FGF1: variants seen among roughly 807,000 people sequenced by gnomAD.
FGF1 encodes fibroblast growth factor 1.
Under a neutral mutation model 13.4 loss-of-function variants are expected in FGF1, and 9 were observed. The ratio of observed to expected loss-of-function variants is 0.67; its 90% CI spans 0.40 to 1.17. The LOEUF is 1.17. Ranked by LOEUF, FGF1 falls within the 50% of genes most tolerant of loss-of-function variation. The pLI, the probability that FGF1 is intolerant of heterozygous loss-of-function variation, is 0.01. For missense variants in FGF1, 156 were observed against 192.7 expected, an observed-to-expected ratio of 0.81 and a Z score of 1.13; for synonymous variants, 93 against 79.0, an observed-to-expected ratio of 1.18 and a Z score of -0.94.
chr5:142,618,924 GTTTTGTT>G (rs1256398717), intron 1 of FGF1, among the ~76,000 whole-genome samples: 12 of 78,324 alleles, frequency 1.5e-4, no homozygotes, highest in African/African-American at 5.6e-4. Context: ...TTTTTTAGTT[GTTTTGTT>G]TTTTTTTTTT....
chr5:142,625,535 C>T (rs1762317198), intron 1 of FGF1, among the ~76,000 whole-genome samples: 1 of 152,188 alleles, frequency 6.6e-6, no homozygotes, highest in Non-Finnish European at 1.5e-5. Flanking sequence ...CTCCCTGGTG[C>T]AATGGTGTGC....
Position 142,643,019 on chromosome 5 carries a change from T to C in FGF1, c.-34-28858A>G, listed in dbSNP as rs190755299. Among the ~76,000 whole-genome samples, 6 of 152,292 alleles carry C rather than the reference T, an allele frequency of 3.9e-5. 1 individual carries two copies. Among genetic ancestry groups the C allele is most frequent in the African/African-American group, 1.4e-4 (6 of 41,554 alleles). On this transcript the variant is annotated intron_variant, in intron 1 of 3. Transcript: ENST00000337706. ...AGGCAATGCTTACCAGCTAGAAATATTAACAAATAAGGAAAAACCAAGTTT... is the reference window on the plus strand; with the variant it reads ...AGGCAATGCTTACCAGCTAGAAATACTAACAAATAAGGAAAAACCAAGTTT...
chr5:142,674,940 C>G (rs1401929482), intron 1 of FGF1, among the ~76,000 whole-genome samples: 1 of 152,130 alleles, frequency 6.6e-6, no homozygotes, highest in East Asian at 1.9e-4. Flanking sequence ...CTGACCTCCC[C>G]TAGGGCCCAT....
At chr5:142,607,443 T>C (rs1757930966) in intron 2 of FGF1, among the ~76,000 whole-genome samples, 1 of 152,200 alleles carries the variant, frequency 6.6e-6, no homozygotes, top group Non-Finnish European at 1.5e-5. Context: ...AAAAACAAGA[T>C]ACGTCCATGG....
chr5:142,640,111 A>AC (rs1409341755), intron 1 of FGF1, among the ~76,000 whole-genome samples: 1 of 151,902 alleles, frequency 6.6e-6, no homozygotes, highest in African/African-American at 2.4e-5. Context: ...AAAACCCTGG[A>AC]CCCCTCTTCA....
intron 1 of FGF1, among the ~76,000 whole-genome samples, chr5:142,617,924 G>GC (rs1286166809): frequency 6.6e-6 from 1 of 152,128 alleles, no homozygotes; most frequent in African/African-American, 2.4e-5. Context: ...CCATAAGGCA[G>GC]CAACGTTAGC....
chr5:142,672,377 A>G (rs1771640849), intron 1 of FGF1, among the ~76,000 whole-genome samples: 1 of 152,136 alleles, frequency 6.6e-6, no homozygotes, highest in African/African-American at 2.4e-5. Context: ...CATCCACTCC[A>G]CCAAGTACCA....
At chr5:142,638,421 A>G (rs994098128) in intron 1 of FGF1, among the ~76,000 whole-genome samples, 1 of 152,016 alleles carries the variant, frequency 6.6e-6, no homozygotes, top group Non-Finnish European at 1.5e-5. Flanking sequence ...ACTTTGCTCC[A>G]TAGGGCAGAA....
intron 1 of FGF1, among the ~76,000 whole-genome samples, chr5:142,669,021 G>A (rs972470666): frequency 2.0e-5 from 3 of 152,246 alleles, no homozygotes; most frequent in Non-Finnish European, 4.4e-5. Context: ...AGAGGCCCAG[G>A]GGTGGGCAAG....
At chr5:142,635,335 G>A (rs372709166) in intron 1 of FGF1, among the ~76,000 whole-genome samples, 1 of 152,136 alleles carries the variant, frequency 6.6e-6, no homozygotes, top group Admixed American at 6.5e-5. Flanking sequence ...GTGAGTTACC[G>A]TCATCTTCAT....
intron 2 of FGF1, among the ~76,000 whole-genome samples, chr5:142,693,934 T>C (rs1752651566): frequency 1.3e-5 from 2 of 152,154 alleles, no homozygotes; most frequent in African/African-American, 4.8e-5. Context: ...GATGAACATT[T>C]GGGGTGTTTC....
At chr5:142,678,067 A>G (rs1772987343) in intron 1 of FGF1, among the ~76,000 whole-genome samples, 1 of 152,108 alleles carries the variant, frequency 6.6e-6, no homozygotes, top group Non-Finnish European at 1.5e-5. Flanking sequence ...GAGAGTCAGG[A>G]AAGGGCCTAG....
At chr5:142,617,146 CCT>C (rs1237793664) in intron 1 of FGF1, among the ~76,000 whole-genome samples, 31 of 152,250 alleles carry the variant, frequency 2.0e-4, no homozygotes, top group African/African-American at 7.5e-4. Context: ...GGGTGGATCA[CCT>C]GAGGTCAAGC....
Position 142,592,545 on chromosome 5 carries a change from G to C in FGF1, c.*2745C>G, listed in dbSNP as rs1754460067. ...CTTTGTTCAGAGCTGGCCCGAAAATGAATCCATATGAGAGTCACGTGACAG... is the reference window on the plus strand; with the variant it reads ...CTTTGTTCAGAGCTGGCCCGAAAATCAATCCATATGAGAGTCACGTGACAG... On this transcript the variant is annotated 3_prime_UTR_variant, in exon 4 of 4. Coordinates refer to ENST00000337706, the MANE Select transcript of FGF1 (RefSeq NM_000800.5). 1 of 397,678 alleles carries C rather than the reference G, an allele frequency of 2.5e-6. No homozygotes were observed. Among genetic ancestry groups the C allele is most frequent in the South Asian group, 1.3e-4 (1 of 7,540 alleles). The allele number at this position is 397,678 out of a possible 1,614,324, so 24.6% of individuals were successfully genotyped here.
At chr5:142,645,724 AT>A (rs1369700417) in intron 1 of FGF1, among the ~76,000 whole-genome samples, 1 of 152,028 alleles carries the variant, frequency 6.6e-6, no homozygotes, top group Non-Finnish European at 1.5e-5. Context: ...AACGGCCTCC[AT>A]TACTCCTCCA....
chr5:142,625,735 G>A (rs565924652), intron 1 of FGF1, among the ~76,000 whole-genome samples: 5 of 152,326 alleles, frequency 3.3e-5, no homozygotes, highest in East Asian at 3.9e-4. Flanking sequence ...GCAGCCCTTC[G>A]CCACCTCCTT....
At chr5:142,676,971 C>T (rs1313346942) in intron 1 of FGF1, among the ~76,000 whole-genome samples, 1 of 152,198 alleles carries the variant, frequency 6.6e-6, no homozygotes, top group Non-Finnish European at 1.5e-5. Flanking sequence ...ATGTTTTACT[C>T]CTATAACTTA....
At chr5:142,620,081 G>A (rs932552334) in intron 1 of FGF1, among the ~76,000 whole-genome samples, 1 of 151,684 alleles carries the variant, frequency 6.6e-6, no homozygotes, top group Non-Finnish European at 1.5e-5. Context: ...GAGGTTAAAA[G>A]CAAAAGAATG....
chr5:142,657,678 C>T (rs1362124799), intron 1 of FGF1, among the ~76,000 whole-genome samples: 2 of 152,254 alleles, frequency 1.3e-5, no homozygotes, highest in African/African-American at 2.4e-5. Context: ...GCTGCGGCTG[C>T]GGCCGAGTGT....
Sources: allele counts gnomAD v4.1 joint callset (sites outside exome capture counted in the v4.1 genomes callset), GRCh38; gene constraint gnomAD v4.1.1; transcripts MANE v1.5; gene names NCBI Gene and HGNC (gene_info 2026-07-23, HGNC 2026-07-21).